Variants in GALNT13 observed in about 807,000 individuals in gnomAD.
GALNT13 encodes the protein polypeptide N-acetylgalactosaminyltransferase 13, also known as UDP-GalNAc:polypeptide N-acetylgalactosaminyltransferase 13.
Under a neutral mutation model 64.2 loss-of-function variants are expected in GALNT13, and 28 were observed. The ratio of observed to expected loss-of-function variants is 0.44; its 90% CI spans 0.32 to 0.60. The LOEUF (loss-of-function observed/expected upper bound fraction) is 0.60, where lower values mean the gene tolerates loss of function less well. Ranked by LOEUF, GALNT13 falls within the 20% of genes least tolerant of loss-of-function variation. The probability of loss-of-function intolerance (pLI) is 0.05; values close to 1 mark genes in which losing one functional copy is unlikely to be tolerated. For missense variants in GALNT13, 577 were observed against 669.8 expected, an observed-to-expected ratio of 0.86 and a Z score of 1.53; for synonymous variants, 214 against 224.6, an observed-to-expected ratio of 0.95 and a Z score of 0.42.
At chr2:153,184,563 T>C in the GALNT13 span, among the ~76,000 whole-genome samples, 1 of 152,324 alleles carries the variant, frequency 6.6e-6, no homozygotes, top group Non-Finnish European at 1.5e-5. Context: ...GGGGAATGCT[T>C]TCAGCTTTTG....
At chr2:154,140,555 T>G (rs1306320439) in intron 4 of GALNT13, 50 bp downstream of exon 4, 3 of 1,295,508 alleles carry the variant, frequency 2.3e-6, no homozygotes, top group Non-Finnish European at 3.3e-6. Flanking sequence ...TCACCATATT[T>G]CAGAATCTCA....
chr2:154,135,767 G>T (rs1001590825), intron 3 of GALNT13, among the ~76,000 whole-genome samples: 1 of 152,106 alleles, frequency 6.6e-6, no homozygotes, highest in Admixed American at 6.6e-5. Flanking sequence ...GTTCAAGGTT[G>T]TAGTGAGCTG....
At chr2:154,405,060 C>A (rs921594571) in intron 10 of GALNT13, among the ~76,000 whole-genome samples, 3 of 151,920 alleles carry the variant, frequency 2.0e-5, no homozygotes, top group Admixed American at 2.0e-4. Context: ...TCTCTGCAAA[C>A]AATGCAAGCA....
chr2:153,273,826 A>G, the GALNT13 span, among the ~76,000 whole-genome samples: 2 of 152,238 alleles, frequency 1.3e-5, no homozygotes, highest in African/African-American at 4.8e-5. Context: ...GTAATTCTAT[A>G]TATTTTTCAG....
At chr2:153,331,802 C>G in the GALNT13 span, among the ~76,000 whole-genome samples, 1 of 152,130 alleles carries the variant, frequency 6.6e-6, no homozygotes, top group Non-Finnish European at 1.5e-5. Context: ...CAAATTGACA[C>G]TCAGTATTAA....
At chr2:153,968,138 G>C (rs1693498992) in intron 3 of GALNT13, among the ~76,000 whole-genome samples, 1 of 152,096 alleles carries the variant, frequency 6.6e-6, no homozygotes, top group Non-Finnish European at 1.5e-5. Flanking sequence ...GACCAGCCTA[G>C]CACCAGAGCT....
Position 154,450,498 on chromosome 2 carries a change from A to C in GALNT13, c.1618A>C (p.Ser540Arg). Residue 540 changes from serine (S) to arginine (R), a missense_variant, in exon 13 of 13, where the codon AGT (serine) becomes CGT (arginine). Ser to Arg is a moderately radical substitution (Grantham distance 110, BLOSUM62 -1). Coordinates refer to ENST00000392825, the MANE Select transcript of GALNT13 (RefSeq NM_052917.4). ...AATGGTGCCTACAATGCAGGACTGT[A>C]GTGGAAGCAGATCCCAACAGTGGCT... ...DKMVPTMQDC[S>R]GSRSQQWLLR... 6.2e-7 allele frequency: 1 copy of C among 1,612,488 alleles called. No homozygotes were observed. Among genetic ancestry groups the C allele is most frequent in the Non-Finnish European group, 8.5e-7 (1 of 1,179,038 alleles).
chr2:153,659,354 T>C, the GALNT13 span, among the ~76,000 whole-genome samples: 3 of 152,056 alleles, frequency 2.0e-5, no homozygotes, highest in Non-Finnish European at 4.4e-5. Flanking sequence ...CCAACATATA[T>C]TAAATGTCTG....
chr2:153,673,730 T>G, the GALNT13 span, among the ~76,000 whole-genome samples: 26,446 of 152,054 alleles, frequency 0.17, 2,841 homozygotes, highest in Non-Finnish European at 0.24. Flanking sequence ...GAGAAAGAAA[T>G]AAAGGTTATT....
At chr2:153,108,875 T>A in the GALNT13 span, among the ~76,000 whole-genome samples, 7 of 152,290 alleles carry the variant, frequency 4.6e-5, no homozygotes, top group African/African-American at 1.7e-4. Context: ...AACCATGTGC[T>A]GATATAAAGA....
chr2:154,436,638 G>A (rs1455230417), intron 11 of GALNT13: 4 of 152,124 alleles, frequency 2.6e-5, no homozygotes, highest in African/African-American at 9.7e-5. Flanking sequence ...GTTTGTAATT[G>A]TGTTTAAGAT....
the GALNT13 span, among the ~76,000 whole-genome samples, chr2:153,628,196 G>A: frequency 6.6e-6 from 1 of 151,756 alleles, no homozygotes; most frequent in Non-Finnish European, 1.5e-5. Flanking sequence ...CATTGATTTT[G>A]TATCCTGAGA....
the GALNT13 span, among the ~76,000 whole-genome samples, chr2:153,627,113 G>A: frequency 6.6e-6 from 1 of 151,908 alleles, no homozygotes; most frequent in Non-Finnish European, 1.5e-5. Context: ...ATACCTGAAG[G>A]TGCTTGCAGC....
intron 6 of GALNT13, among the ~76,000 whole-genome samples, 184 bp downstream of exon 6, chr2:154,243,089 T>A (rs1386711832): frequency 6.6e-6 from 1 of 152,212 alleles, no homozygotes. Flanking sequence ...TGGACATAGA[T>A]AGTTGATTAA....
the GALNT13 span, among the ~76,000 whole-genome samples, chr2:153,224,116 G>C: frequency 6.6e-6 from 1 of 152,158 alleles, no homozygotes; most frequent in Admixed American, 6.5e-5. Flanking sequence ...AAACAGAAGA[G>C]CAATTTAAGC....
chr2:154,272,119 T>C (rs1691387294), intron 8 of GALNT13, among the ~76,000 whole-genome samples: 1 of 152,016 alleles, frequency 6.6e-6, no homozygotes, highest in South Asian at 2.1e-4. Flanking sequence ...TTATAGGGCT[T>C]ATCCAGAAAT....
intron 3 of GALNT13, among the ~76,000 whole-genome samples, chr2:153,977,622 A>T (rs1326813922): frequency 2.6e-5 from 4 of 152,076 alleles, no homozygotes; most frequent in Non-Finnish European, 4.4e-5. Context: ...ATTTGGGTGG[A>T]GACACAGCCA....
chr2:153,186,322 CTCTT>C, the GALNT13 span, among the ~76,000 whole-genome samples: 1 of 152,044 alleles, frequency 6.6e-6, no homozygotes, highest in Non-Finnish European at 1.5e-5. Context: ...TTTCCTCCAC[CTCTT>C]TATTTCAAGC....
the GALNT13 span, among the ~76,000 whole-genome samples, chr2:153,824,905 G>A: frequency 1.3e-5 from 2 of 152,112 alleles, no homozygotes; most frequent in African/African-American, 4.8e-5. Flanking sequence ...ATGATTGAAA[G>A]TTTCCTGAGG....
Sources: allele counts gnomAD v4.1 joint callset (sites outside exome capture counted in the v4.1 genomes callset), GRCh38; gene constraint gnomAD v4.1.1; transcripts MANE v1.5; gene names NCBI Gene and HGNC (gene_info 2026-07-23, HGNC 2026-07-21).